The following CD2AP variants were observed in gnomAD, a reference collection of about 807,000 sequenced individuals.
CD2AP encodes the protein CD2 associated protein.
In CD2AP, 46 loss-of-function variants were observed where a neutral mutation model predicts 85.1. The observed-to-expected ratio is 0.54, with a 90% CI of 0.43 to 0.69. CD2AP has a LOEUF of 0.69. Ranked by LOEUF, CD2AP falls within the 30% of genes least tolerant of loss-of-function variation. The probability of loss-of-function intolerance (pLI) is 0.00; values close to 1 mark genes in which losing one functional copy is unlikely to be tolerated. For synonymous variants in CD2AP, 255 were observed against 252.9 expected (o/e 1.01, Z -0.08); for missense variants, 769 against 729.5 (o/e 1.05, Z -0.62).
intron 17 of CD2AP, among the ~76,000 whole-genome samples, chr6:47,616,919 C>T (rs1202344209): frequency 2.0e-5 from 3 of 152,130 alleles, no homozygotes; most frequent in South Asian, 2.1e-4. Context: ...GATGATACTA[C>T]ATCCTATTGT....
intron 1 of CD2AP, among the ~76,000 whole-genome samples, chr6:47,493,479 G>T (rs1765783918): frequency 1.3e-5 from 2 of 151,476 alleles, no homozygotes; most frequent in African/African-American, 4.8e-5. Context: ...TTTTGTGATG[G>T]TTTCTTTAAA....
rs1769705949 is a variant in CD2AP, at chr6:47,620,134, C to T, written c.1879-4052C>T. 2.6e-5 allele frequency among the ~76,000 whole-genome samples: 4 copies of T among 152,132 alleles called. No homozygotes were observed. In the South Asian group the frequency reaches 8.3e-4, roughly 31 times the overall value. The stretch of plus-strand genomic sequence containing the variant: ...GGGTTTTTGTTCATGAAATCCTTGC[C>T]TGTGCCAATAACTAGAAGGGTTTTT... On this transcript the variant is annotated intron_variant, in intron 17 of 17. Transcript: ENST00000359314.
At chr6:47,521,430 T>C (rs1766591930) in intron 2 of CD2AP, among the ~76,000 whole-genome samples, 1 of 152,042 alleles carries the variant, frequency 6.6e-6, no homozygotes, top group Non-Finnish European at 1.5e-5. Context: ...CGGGCGCCTG[T>C]AATTCCAGCT....
At chr6:47,555,750 G>A (rs749215134) in intron 5 of CD2AP, among the ~76,000 whole-genome samples, 8 of 151,998 alleles carry the variant, frequency 5.3e-5, no homozygotes, top group Non-Finnish European at 1.0e-4. Context: ...GCAGAAAACT[G>A]TGCCTTGGTT....
chr6:47,583,926 A>G (rs1768551651), intron 11 of CD2AP, among the ~76,000 whole-genome samples: 1 of 152,152 alleles, frequency 6.6e-6, no homozygotes, highest in Non-Finnish European at 1.5e-5. Flanking sequence ...AGCATTTGGT[A>G]TTTTAAGTGT....
At position 47,616,082 on chromosome 6, in the gene CD2AP, C is replaced by CTTTTTT. The variant is rs562350159; in HGVS notation, c.1878+3568_1878+3573dup. On this transcript the variant is annotated intron_variant, in intron 17 of 17. Transcript: ENST00000359314. ...GCAGGCATGAGCCACTGCGCCTGGCCTTTTTTTTTTTTTTTTTTTTTTTTT... is the reference window on the plus strand; with the variant it reads ...GCAGGCATGAGCCACTGCGCCTGGCCTTTTTTTTTTTTTTTTTTTTTTTTTTTTTTT... Among the ~76,000 whole-genome samples the CTTTTTT allele has an allele frequency of 5.1e-3, 328 of 63,790 alleles. 50 individuals are homozygous for CTTTTTT. Among genetic ancestry groups the CTTTTTT allele is most frequent in the African/African-American group, 0.02 (277 of 13,782 alleles). 41.8% of individuals were successfully genotyped at this position (63,790 alleles called of 152,430 possible).
At chr6:47,542,239 G>A (rs906595057) in intron 3 of CD2AP, among the ~76,000 whole-genome samples, 1 of 152,072 alleles carries the variant, frequency 6.6e-6, no homozygotes, top group East Asian at 1.9e-4. Flanking sequence ...GTTCTGTTAA[G>A]TGTGCATTTA....
At chr6:47,594,212 C>CGA (rs1768875772) in intron 11 of CD2AP, among the ~76,000 whole-genome samples, 2 of 151,922 alleles carry the variant, frequency 1.3e-5, no homozygotes, top group South Asian at 4.2e-4. Context: ...TGCGTAACAT[C>CGA]GTGAATGTAC....
chr6:47,493,549 T>C (rs1274849361), intron 1 of CD2AP, among the ~76,000 whole-genome samples: 1 of 152,064 alleles, frequency 6.6e-6, no homozygotes, highest in African/African-American at 2.4e-5. Flanking sequence ...GTAGTTTTTT[T>C]TGTTTGTATC....
At position 47,624,248 on chromosome 6, in the gene CD2AP, A is replaced by C. The variant is rs775602375; in HGVS notation, c.*21A>C. ...CTTGAGTGGTGTGGACCTGGTGTTC[A>C]TAATGTTCCAGGGATTCAGAAGCAA... On this transcript the variant is annotated 3_prime_UTR_variant, in exon 18 of 18. Transcript: ENST00000359314. 6.3e-7 allele frequency: 1 copy of C among 1,598,522 alleles called. No individual in the cohort carries two copies. Among genetic ancestry groups the C allele is most frequent in the South Asian group, 1.1e-5 (1 of 90,644 alleles).
chr6:47,591,111 A>G (rs1427972017), intron 11 of CD2AP, among the ~76,000 whole-genome samples: 1 of 152,240 alleles, frequency 6.6e-6, no homozygotes, highest in Non-Finnish European at 1.5e-5. Flanking sequence ...TTCACATACC[A>G]TGTTACCACG....
At chr6:47,564,593 T>G (rs904985900) in intron 5 of CD2AP, among the ~76,000 whole-genome samples, 1 of 152,126 alleles carries the variant, frequency 6.6e-6, no homozygotes, top group African/African-American at 2.4e-5. Context: ...AGCTTTGTGA[T>G]TATGGGGTGG....
intron 2 of CD2AP, among the ~76,000 whole-genome samples, chr6:47,526,446 A>G (rs114622613): frequency 1.6e-4 from 25 of 152,270 alleles, no homozygotes; most frequent in African/African-American, 5.3e-4. Flanking sequence ...TTTTCTATTC[A>G]TTGTAGACTA....
chr6:47,581,677 C>T (rs893280111), intron 10 of CD2AP, among the ~76,000 whole-genome samples: 1 of 152,066 alleles, frequency 6.6e-6, no homozygotes, highest in African/African-American at 2.4e-5. Context: ...ATAGGAGTGC[C>T]ATTTCAAGTG....
At chr6:47,571,613 T>C (rs947297022) in intron 5 of CD2AP, among the ~76,000 whole-genome samples, 1 of 152,138 alleles carries the variant, frequency 6.6e-6, no homozygotes, top group Non-Finnish European at 1.5e-5. Flanking sequence ...TTGGGTGTTG[T>C]TTTGAGGGTT....
At chr6:47,553,984 G>T (rs1290065962) in intron 4 of CD2AP, among the ~76,000 whole-genome samples, 1 of 152,018 alleles carries the variant, frequency 6.6e-6, no homozygotes, top group African/African-American at 2.4e-5. Flanking sequence ...TTGAGACAGG[G>T]TCTCCTCTGT....
rs1769929455 is a variant in CD2AP, at chr6:47,627,123, A to C, written c.*2896A>C. On this transcript the variant is annotated 3_prime_UTR_variant, in exon 18 of 18. Transcript: ENST00000359314. Reference sequence around the variant, plus strand: ...CTTCTCTCTCAAAAAGAAAAATTAAAGGATTTTATTGCCAGTCGTGTCAGT... The same window carrying C: ...CTTCTCTCTCAAAAAGAAAAATTAACGGATTTTATTGCCAGTCGTGTCAGT... The C allele has an allele frequency of 6.6e-6, 1 of 152,490 alleles. No individual in the cohort carries two copies. Among genetic ancestry groups the C allele is most frequent in the Non-Finnish European group, 1.5e-5 (1 of 67,930 alleles). 9.4% of individuals were successfully genotyped at this position (152,490 alleles called of 1,614,324 possible). A position where few individuals can be genotyped will look rare whatever the true frequency, so the allele number is the denominator to read the frequency against.
intron 12 of CD2AP, among the ~76,000 whole-genome samples, chr6:47,597,004 C>G (rs1353703851): frequency 7.2e-6 from 1 of 139,002 alleles, no homozygotes; most frequent in East Asian, 1.9e-4. Context: ...ATGTTGAAAG[C>G]TGGATATGTA....
chr6:47,483,785 T>A (rs1765502702), intron 1 of CD2AP, among the ~76,000 whole-genome samples: 1 of 151,018 alleles, frequency 6.6e-6, no homozygotes, highest in African/African-American at 2.5e-5. Context: ...AGGGATTTGA[T>A]GTGCCTGTTT....
Sources: gnomAD v4.1 joint callset for allele counts (sites outside exome capture counted in the v4.1 genomes callset) on GRCh38, gnomAD v4.1.1 for gene constraint, MANE v1.5 for transcripts, NCBI Gene and HGNC (gene_info 2026-07-23, HGNC 2026-07-21) for gene names.